Variants in SRPK3 observed in about 807,000 individuals in gnomAD.
The protein encoded by SRPK3 is SRSF protein kinase 3.
Under a neutral mutation model 45.3 loss-of-function variants are expected in SRPK3, and 26 were observed. The observed-to-expected ratio is 0.57, with a 90% CI of 0.42 to 0.80. SRPK3 has a LOEUF of 0.80. Among genes scored for constraint, SRPK3 ranks in the 30% least tolerant of loss-of-function variants. The probability of loss-of-function intolerance (pLI) is 0.00; values close to 1 mark genes in which losing one functional copy is unlikely to be tolerated. For missense variants in SRPK3, 536 were observed against 514.5 expected (o/e 1.04, Z -0.40); for synonymous variants, 254 against 226.6 (o/e 1.12, Z -1.09).
In SRPK3 at chrX:153,783,787, G is replaced by A. The variant is rs782412529; in HGVS notation, c.810G>A (p.Lys270=). 8.3e-7 allele frequency: 1 copy of A among 1,210,651 alleles called. No homozygotes were observed. Among genetic ancestry groups the A allele is most frequent in the Non-Finnish European group, 1.1e-6 (1 of 895,313 alleles). Residue 270 remains lysine, a synonymous_variant, in exon 9 of 15, where the codon AAG becomes AAA. Transcript: ENST00000370101. ...TGKLSKNKRK[K]MRRKRKQQKR... ...AGCTGTCCAAAAACAAGAGGAAGAA[G>A]ATGAGGCGCAAACGGAAACAGCAGA...
intron 11 of SRPK3, 141 bp downstream of exon 11, chrX:153,784,535 G>A: frequency 2.6e-6 from 2 of 771,078 alleles, no homozygotes; most frequent in Non-Finnish European, 3.8e-6. Flanking sequence ...CCAGTCAACA[G>A]CACTGGGGCC....
In SRPK3 at chrX:153,785,319, C is replaced by T. The variant is rs376021235; in HGVS notation, c.1520-17C>T. ...AGAGACAGGGACAGAGCCTGACGCC[C>T]GCTGGCCTGCCCGCAGGAGAGCTGC... On this transcript the variant is annotated splice_polypyrimidine_tract_variant and intron_variant, in intron 14 of 14. Transcript: ENST00000370101. The T allele has an allele frequency of 9.3e-5, 111 of 1,199,741 alleles. No individual in the cohort carries two copies. Among genetic ancestry groups the T allele is most frequent in the Non-Finnish European group, 1.1e-4 (99 of 887,155 alleles).
chrX:153,783,334 A>C (rs1603253819), intron 8 of SRPK3, 83 bp downstream of exon 8: 1 of 643,986 alleles, frequency 1.6e-6, no homozygotes, highest in East Asian at 3.7e-5. Context: ...CAGTGGCTCC[A>C]CCCCCCACCT....
chrX:153,785,571 G>A lies in SRPK3; in HGVS notation c.*51G>A, dbSNP rs782683848. 94 of 1,166,647 alleles carry A rather than the reference G, an allele frequency of 8.1e-5. No individual in the cohort carries two copies. Among genetic ancestry groups the A allele is most frequent in the South Asian group, 6.5e-4 (34 of 52,356 alleles). The stretch of plus-strand genomic sequence containing the variant: ...TCTCCGTGCCTTAAGGGAAAAGCGG[G>A]ACAGCTCCCACCACCCTGCTGGGCG... On this transcript the variant is annotated 3_prime_UTR_variant, in exon 15 of 15. Transcript: ENST00000370101.
Position 153,781,590 on chromosome X carries a change from C to T in SRPK3, c.276C>T (p.Thr92=), listed in dbSNP as rs2092052359. 2 of 1,210,862 alleles carry T rather than the reference C, an allele frequency of 1.7e-6. No individual in the cohort carries two copies. Among genetic ancestry groups the T allele is most frequent in the Non-Finnish European group, 1.1e-6 (1 of 895,138 alleles). ...AACTGGGCTGGGGCCACTTCTCCAC[C>T]GTCTGGCTCTGCTGGGACATCCAGT... ...VRKLGWGHFS[T]VWLCWDIQRK... The change falls in exon 3 of 15, where the codon ACC becomes ACT. Residue 92 remains threonine, a synonymous_variant. Coordinates refer to ENST00000370101, the MANE Select transcript of SRPK3 (RefSeq NM_014370.4).
intron 14 of SRPK3, 57 bp from the exon 15 acceptor site, chrX:153,785,279 G>A (rs2092079779): frequency 8.4e-7 from 1 of 1,188,846 alleles, no homozygotes; most frequent in East Asian, 3.0e-5. Flanking sequence ...CAGGGCCTAA[G>A]CAGAAGGCAG....
At chrX:153,781,439 C>G in intron 2 of SRPK3, 66 bp from the exon 3 acceptor site, 1 of 1,179,537 alleles carries the variant, frequency 8.5e-7, no homozygotes. Flanking sequence ...TCAATGGGGC[C>G]GAGGTGTTCG....
chrX:153,783,937 C>T (rs1245301649), intron 9 of SRPK3, 37 bp from the exon 10 acceptor site: 1 of 1,195,319 alleles, frequency 8.4e-7, no homozygotes, highest in African/African-American at 1.8e-5. Context: ...GGCTGCAAGA[C>T]ATCTGCTCAG....
Position 153,784,032 on chromosome X carries a change from C to CG in SRPK3, c.971dup (p.Ala325ArgfsTer19). On this transcript the variant is annotated frameshift_variant, in exon 10 of 15. Transcript: ENST00000370101. LOFTEE classifies it high-confidence loss of function. Reference sequence around the variant, plus strand: ...CCACATCCTCTTCAGGCTGTCACCCCGGGGGCGCCAGAGCAGGTCCCTCCC... The same window carrying CG: ...CCACATCCTCTTCAGGCTGTCACCCCGGGGGGCGCCAGAGCAGGTCCCTCCC... 8.3e-7 allele frequency: 1 copy of CG among 1,208,062 alleles called. No individual in the cohort carries two copies.
chrX:153,781,096 A>G lies in SRPK3; in HGVS notation c.10A>G (p.Ser4Gly). The G allele has an allele frequency of 9.0e-7, 1 of 1,106,221 alleles. No individual in the cohort carries two copies. Among genetic ancestry groups the G allele is most frequent in the Non-Finnish European group, 1.2e-6 (1 of 846,521 alleles). 91.2% of individuals were successfully genotyped at this position (1,106,221 alleles called of 1,213,427 possible). Residue 4 changes from serine to glycine, a missense_variant, in exon 1 of 15, where the codon AGC (serine) becomes GGC (glycine). Transcript: ENST00000370101. Reference protein sequence around the residue: MSASTGGGGDSGGS... With the variant: MSAGTGGGGDSGGS... ...GGGCTGCGTGGCCGGGATGAGCGCCAGCACGGGCGGTGGTGGGGACAGCGG... is the reference window on the plus strand; with the variant it reads ...GGGCTGCGTGGCCGGGATGAGCGCCGGCACGGGCGGTGGTGGGGACAGCGG...
In SRPK3 at chrX:153,781,355, T is replaced by C. The variant is rs782723196; in HGVS notation, c.190+9T>C. 8.4e-7 allele frequency: 1 copy of C among 1,186,159 alleles called. No homozygotes were observed. The highest frequency in any genetic ancestry group is 1.9e-5 in the South Asian group (1 of 53,278). On this transcript the variant is annotated intron_variant, in intron 2 of 14. Coordinates refer to ENST00000370101, the MANE Select transcript of SRPK3 (RefSeq NM_014370.4). ...CAAAGACTACTGCAAGGGTGAGACT[T>C]GGCCTTGGGGACATGCGGCCTCACG...
Position 153,781,450 on chromosome X carries a change from G to A in SRPK3, c.191-55G>A. The A allele has an allele frequency of 2.5e-6, 3 of 1,182,221 alleles. No individual in the cohort carries two copies. In the South Asian group the frequency reaches 5.6e-5, roughly 22 times the overall value. ...ATGGTCAATGGGGCCGAGGTGTTCG[G>A]GGGCCCAGGGGAGTGAGAACCCCCT... On this transcript the variant is annotated intron_variant, in intron 2 of 14. Coordinates refer to ENST00000370101, the MANE Select transcript of SRPK3 (RefSeq NM_014370.4).
In SRPK3 at chrX:153,783,234, GCC is replaced by G; in HGVS notation, c.762_763del (p.Gln255GlyfsTer7). ...CCCACCTGCACTCCCAGTCAGCACTGCCCCCCAGGAGGTCTTGGTAAGTTGGG... is the reference window on the plus strand; with the variant it reads ...CCCACCTGCACTCCCAGTCAGCACTGCCCCAGGAGGTCTTGGTAAGTTGGG... ...PPPSRSIVST[A>X]PQEVLQTGKL... On this transcript the variant is annotated frameshift_variant, in exon 8 of 15. Transcript: ENST00000370101. LOFTEE classifies it high-confidence loss of function. The G allele has an allele frequency of 8.7e-7, 1 of 1,145,417 alleles. No individual in the cohort carries two copies. The highest frequency in any genetic ancestry group is 1.2e-6 in the Non-Finnish European group (1 of 853,922). The allele number at this position is 1,145,417 out of a possible 1,213,427, so 94.4% of individuals were successfully genotyped here.
rs782715760 is a variant in SRPK3 at position 153,785,088 on chromosome X, C to T, written c.1434C>T (p.Ile478=). ...TCCTCTTTCTGCCCACAGACCACAT[C>T]GCTCACATAGTGGAGCTTCTGGGGG... is the stretch of plus-strand genomic sequence containing the variant. ...GEDYSRDEDH[I]AHIVELLGDI... is the part of the protein sequence containing the mutation. The change falls in exon 14 of 15, where the codon ATC becomes ATT. Residue 478 remains isoleucine (I), a synonymous_variant. Coordinates refer to ENST00000370101, the MANE Select transcript of SRPK3 (RefSeq NM_014370.4). 7.9e-5 allele frequency: 96 copies of T among 1,210,241 alleles called. 2 individuals are homozygous for T. The highest frequency in any genetic ancestry group is 2.3e-4 in the Middle Eastern group (1 of 4,371).
At chrX:153,783,947 G>A (rs2092068143) in intron 9 of SRPK3, 27 bp from the exon 10 acceptor site, 1 of 1,194,656 alleles carries the variant, frequency 8.4e-7, no homozygotes, top group Non-Finnish European at 1.1e-6. Flanking sequence ...CATCTGCTCA[G>A]CAGCTGCCTC....
rs782309018 is a variant in SRPK3, at chrX:153,783,196, C to G, written c.749-30C>G. ...CCTGAGTCTCTGTTCCTCCCTGTCCCCCCCCACCGCTCCCCACCTGCACTC... is the reference window on the plus strand; with the variant it reads ...CCTGAGTCTCTGTTCCTCCCTGTCCGCCCCCACCGCTCCCCACCTGCACTC... On this transcript the variant is annotated intron_variant, in intron 7 of 14. Coordinates refer to ENST00000370101, the MANE Select transcript of SRPK3 (RefSeq NM_014370.4). 6.4e-3 allele frequency: 6,150 copies of G among 961,474 alleles called. 163 individuals carry two copies. Among genetic ancestry groups the G allele is most frequent in the Non-Finnish European group, 8.2e-3 (5,734 of 698,287 alleles). The allele number at this position is 961,474 out of a possible 1,213,427, so 79.2% of individuals were successfully genotyped here.
At chrX:153,785,028 A>G in intron 13 of SRPK3, 25 bp downstream of exon 13, 3 of 1,211,311 alleles carry the variant, frequency 2.5e-6, no homozygotes, top group Non-Finnish European at 3.4e-6. Context: ...CTCTGGGCTC[A>G]GCCTCCCGGC....
Position 153,785,640 on chromosome X carries a change from C to G in SRPK3, c.*120C>G. On this transcript the variant is annotated 3_prime_UTR_variant, in exon 15 of 15. Coordinates refer to ENST00000370101, the MANE Select transcript of SRPK3 (RefSeq NM_014370.4). Reference sequence around the variant, plus strand: ...AGGGCAGAGAGACGCTGGAGCCAGGCCCGGCTCTCAGAGCGTGTTCTGCCT... The same window carrying G: ...AGGGCAGAGAGACGCTGGAGCCAGGGCCGGCTCTCAGAGCGTGTTCTGCCT... 1 of 968,591 alleles carries G rather than the reference C, an allele frequency of 1.0e-6. No individual in the cohort carries two copies. The highest frequency in any genetic ancestry group is 1.4e-6 in the Non-Finnish European group (1 of 710,619). 79.8% of individuals were successfully genotyped at this position (968,591 alleles called of 1,213,427 possible). A position where few individuals can be genotyped will look rare whatever the true frequency, so the allele number is the denominator to read the frequency against.
chrX:153,781,273 G>C lies in SRPK3; in HGVS notation c.117G>C (p.Pro39=). Residue 39 remains proline, a synonymous_variant, in exon 2 of 15, where the codon CCG becomes CCC. Transcript: ENST00000370101. ...SSGSELALAT[P]VPQMLQGLLG... ...GCTCCGAACTAGCCCTGGCCACACC[G>C]GTGCCTCAGATGCTGCAGGGCCTTC... The C allele has an allele frequency of 8.3e-7, 1 of 1,209,604 alleles. No homozygotes were observed. Among genetic ancestry groups the C allele is most frequent in the Non-Finnish European group, 1.1e-6 (1 of 894,781 alleles).
Sources: allele counts gnomAD v4.1 joint callset, GRCh38; gene constraint gnomAD v4.1.1; transcripts MANE v1.5; gene names NCBI Gene and HGNC (gene_info 2026-07-23, HGNC 2026-07-21).